The following MAST4 variants were observed in gnomAD, a reference collection of about 807,000 sequenced individuals.
MAST4 encodes microtubule-associated serine/threonine-protein kinase 4.
In MAST4, 89 loss-of-function variants were observed where a neutral mutation model predicts 162.7. The ratio of observed to expected loss-of-function variants is 0.55; its 90% CI spans 0.46 to 0.65. MAST4 has a LOEUF of 0.65. Among genes scored for constraint, MAST4 ranks in the 30% least tolerant of loss-of-function variants. MAST4 has a pLI of 0.00. For missense variants in MAST4, 3,153 were observed against 3,374.0 expected, an observed-to-expected ratio of 0.93 and a Z score of 1.62; for synonymous variants, 1,479 against 1,361.1, an observed-to-expected ratio of 1.09 and a Z score of -1.91.
chr5:66,662,013 G>A (rs904163560), intron 1 of MAST4, among the ~76,000 whole-genome samples: 2 of 151,640 alleles, frequency 1.3e-5, no homozygotes, highest in African/African-American at 2.4e-5. Context: ...CTTTAGTGGT[G>A]ATAATCAAAA....
At chr5:66,622,379 G>A (rs1242680406) in intron 1 of MAST4, among the ~76,000 whole-genome samples, 5 of 151,108 alleles carry the variant, frequency 3.3e-5, no homozygotes, top group African/African-American at 1.2e-4. Context: ...TAGGAATGAA[G>A]TGTAAGGCCA....
At chr5:66,998,784 T>C (rs1490624933) in intron 4 of MAST4, among the ~76,000 whole-genome samples, 2 of 152,186 alleles carry the variant, frequency 1.3e-5, no homozygotes, top group African/African-American at 4.8e-5. Context: ...CAAGGAGCTC[T>C]TACTCTAATA....
chr5:66,836,117 G>A (rs767130861), intron 3 of MAST4, among the ~76,000 whole-genome samples: 1 of 152,042 alleles, frequency 6.6e-6, no homozygotes, highest in Non-Finnish European at 1.5e-5. Context: ...GCTGCAGTGA[G>A]CTGTGTTCGT....
intron 1 of MAST4, among the ~76,000 whole-genome samples, chr5:66,599,022 C>G (rs1219819208): frequency 2.0e-5 from 3 of 152,198 alleles, no homozygotes; most frequent in East Asian, 3.8e-4. Flanking sequence ...TGCGTGTAAA[C>G]TGATACAGTA....
intron 4 of MAST4, among the ~76,000 whole-genome samples, chr5:66,938,906 A>G (rs938571936): frequency 6.6e-6 from 1 of 152,168 alleles, no homozygotes; most frequent in African/African-American, 2.4e-5. Context: ...TAATAGTGAA[A>G]AATAAAGGTT....
rs182282266 is a variant in MAST4, at chr5:66,985,414, G to T, written c.675-68990G>T. Among the ~76,000 whole-genome samples the T allele has an allele frequency of 7.2e-5, 11 of 152,294 alleles. No homozygotes were observed. The East Asian group carries it at 2.1e-3, about 29-fold the overall frequency. ...GACAAAGGCCCTTAACATGCCAGCA[G>T]CTTGAGGGGCCCTAGATTTTCCTGC... is the stretch of plus-strand genomic sequence containing the variant. On this transcript the variant is annotated intron_variant, in intron 4 of 28. Coordinates refer to ENST00000403625, the MANE Select transcript of MAST4 (RefSeq NM_001164664.2).
chr5:66,846,240 T>C (rs1758845294), intron 3 of MAST4, among the ~76,000 whole-genome samples: 1 of 152,172 alleles, frequency 6.6e-6, no homozygotes, highest in African/African-American at 2.4e-5. Flanking sequence ...ACAGTTATCA[T>C]CCACTGTGAC....
At chr5:66,703,069 G>GCTCCC (rs1448508740) in intron 1 of MAST4, among the ~76,000 whole-genome samples, 1 of 152,146 alleles carries the variant, frequency 6.6e-6, no homozygotes, top group Non-Finnish European at 1.5e-5. Context: ...CATCCTTGTG[G>GCTCCC]CTCCCCTCCC....
At chr5:66,808,542 T>C (rs1756318650) in intron 3 of MAST4, among the ~76,000 whole-genome samples, 1 of 152,170 alleles carries the variant, frequency 6.6e-6, no homozygotes, top group South Asian at 2.1e-4. Context: ...AGGCTAATTA[T>C]ACTTTTTGTT....
chr5:66,744,257 C>T (rs1446572405), intron 1 of MAST4, among the ~76,000 whole-genome samples: 1 of 152,090 alleles, frequency 6.6e-6, no homozygotes, highest in East Asian at 1.9e-4. Flanking sequence ...ACGTGGGGCC[C>T]CTGGGCTGCT....
At chr5:66,624,146 GTTT>G (rs200030700) in intron 1 of MAST4, among the ~76,000 whole-genome samples, 1,092 of 90,028 alleles carry the variant, frequency 0.012, 9 homozygotes, top group Non-Finnish European at 0.018. Flanking sequence ...TTGTTAAAAT[GTTT>G]TTTTTTTTTT....
At chr5:66,667,615 C>T (rs1747343756) in intron 1 of MAST4, among the ~76,000 whole-genome samples, 1 of 152,162 alleles carries the variant, frequency 6.6e-6, no homozygotes, top group Non-Finnish European at 1.5e-5. Flanking sequence ...CTAGTTAATT[C>T]TTTGTCCTTG....
intron 3 of MAST4, among the ~76,000 whole-genome samples, chr5:66,887,556 C>G (rs1487033847): frequency 6.6e-6 from 1 of 152,198 alleles, no homozygotes; most frequent in African/African-American, 2.4e-5. Flanking sequence ...ACAGCATCAT[C>G]AAGGGCCCTG....
At chr5:66,737,093 A>G (rs1002231857) in intron 1 of MAST4, among the ~76,000 whole-genome samples, 3 of 152,236 alleles carry the variant, frequency 2.0e-5, no homozygotes, top group African/African-American at 7.2e-5. Context: ...TAGCTTAAAA[A>G]AAGTTTTATC....
intron 1 of MAST4, among the ~76,000 whole-genome samples, chr5:66,739,755 C>G (rs944386244): frequency 2.6e-5 from 4 of 151,996 alleles, no homozygotes; most frequent in African/African-American, 9.7e-5. Context: ...TTATGTTTTC[C>G]CATGGCAAAT....
intron 11 of MAST4, among the ~76,000 whole-genome samples, chr5:67,110,428 G>A (rs1018576994): frequency 2.0e-5 from 3 of 152,194 alleles, no homozygotes; most frequent in Non-Finnish European, 4.4e-5. Flanking sequence ...CCATATTCTA[G>A]TCAAACTTGA....
At chr5:66,772,102 G>A (rs927509705) in intron 2 of MAST4, among the ~76,000 whole-genome samples, 1 of 152,178 alleles carries the variant, frequency 6.6e-6, no homozygotes, top group Non-Finnish European at 1.5e-5. Flanking sequence ...ACAATTAACA[G>A]CGTGAAAGAT....
intron 1 of MAST4, chr5:66,662,398 C>T (rs1746973184): frequency 6.6e-6 from 1 of 152,160 alleles, no homozygotes; most frequent in Non-Finnish European, 1.5e-5. Flanking sequence ...TAGAGTCTGT[C>T]AAATCATTTC....
chr5:66,830,957 T>C (rs756509799), intron 3 of MAST4, among the ~76,000 whole-genome samples: 4 of 152,218 alleles, frequency 2.6e-5, no homozygotes, highest in African/African-American at 4.8e-5. Flanking sequence ...GCTCCAATCC[T>C]GTGTTGTGAG....
Sources: allele counts gnomAD v4.1 joint callset (sites outside exome capture counted in the v4.1 genomes callset), GRCh38; gene constraint gnomAD v4.1.1; transcripts MANE v1.5; gene names NCBI Gene and HGNC (gene_info 2026-07-23, HGNC 2026-07-21).